Variants in XPO1 observed in about 807,000 individuals in gnomAD.
XPO1 encodes exportin-1.
XPO1 carries 5 observed loss-of-function variants against 133.3 expected under a neutral mutation model. That is an observed-to-expected ratio of 0.04 (90% CI 0.02 to 0.08). XPO1 has a LOEUF of 0.08. Among genes scored for constraint, XPO1 ranks in the 10% least tolerant of loss-of-function variants. The pLI is 1.00. For missense variants in XPO1, 506 were observed against 1,267.5 expected, an observed-to-expected ratio of 0.40 and a Z score of 9.12; for synonymous variants, 419 against 408.2, an observed-to-expected ratio of 1.03 and a Z score of -0.32.
Position 61,488,718 on chromosome 2 carries a change from C to T in XPO1, c.2076G>A (p.Leu692=), listed in dbSNP as rs960840696. 5.6e-6 allele frequency: 9 copies of T among 1,614,042 alleles called. No homozygotes were observed. The highest frequency in any genetic ancestry group is 1.3e-5 in the African/African-American group (1 of 74,914). The change falls in exon 18 of 25, where the codon TTG becomes TTA. Residue 692 remains leucine, a synonymous_variant. Coordinates refer to ENST00000401558, the MANE Select transcript of XPO1 (RefSeq NM_003400.4). ...CTTTGCAGGCTCTCACATTTGTTTT[C>T]AAAATGCTACCAAGCTGCTTGACTG... is the stretch of plus-strand genomic sequence containing the variant. The part of the protein sequence containing the change: ...PETVKQLGSI[L]KTNVRACKAV...
intron 2 of XPO1, among the ~76,000 whole-genome samples, chr2:61,530,358 T>C (rs772024722): frequency 2.0e-4 from 30 of 152,164 alleles, no homozygotes; most frequent in Non-Finnish European, 4.0e-4. Context: ...CATAATGTTC[T>C]TTATAAACTT....
rs143428000 is a variant in XPO1 at position 61,527,979 on chromosome 2, T to A, written c.127-1458A>T. Reference sequence around the variant, plus strand: ...TCTTGCTCTGTCACCCAGGCTGGAGTGCAATGGCAGGATCTCGACTCACTG... The same window carrying A: ...TCTTGCTCTGTCACCCAGGCTGGAGAGCAATGGCAGGATCTCGACTCACTG... On this transcript the variant is annotated intron_variant, in intron 2 of 24. Coordinates refer to ENST00000401558, the MANE Select transcript of XPO1 (RefSeq NM_003400.4). Among the ~76,000 whole-genome samples the A allele has an allele frequency of 8.1e-3, 1,221 of 151,236 alleles. 21 individuals carry two copies. The highest frequency in any genetic ancestry group is 0.028 in the African/African-American group (1,168 of 41,196).
chr2:61,526,514 A>G lies in XPO1; in HGVS notation c.134T>C (p.Met45Thr). 6.4e-7 allele frequency: 1 copy of G among 1,565,070 alleles called. No individual in the cohort carries two copies. Among genetic ancestry groups the G allele is most frequent in the East Asian group, 2.3e-5 (1 of 43,726 alleles). ...TAAATGTGTCAGTACTTCTTGAGCC[A>G]TTCTTTGCTAAAATATTATTAAAAA... is the stretch of plus-strand genomic sequence containing the variant. ...LYHGEGAQQR[M>T]AQEVLTHLKE... The change falls in exon 3 of 25, where the codon ATG (methionine) becomes ACG (threonine). Residue 45 changes from methionine to threonine, a missense_variant. Met to Thr is a moderately conservative substitution (Grantham distance 81, BLOSUM62 -1). Transcript: ENST00000401558.
chr2:61,511,989 C>T (rs1313440350), intron 4 of XPO1, among the ~76,000 whole-genome samples: 3 of 152,024 alleles, frequency 2.0e-5, no homozygotes, highest in South Asian at 2.1e-4. Flanking sequence ...AGACTGGTCT[C>T]GAACTCCTGA....
chr2:61,502,746 TA>T (rs11365993), intron 4 of XPO1: 90,878 of 150,574 alleles, frequency 0.6, 27,316 homozygotes, highest in Middle Eastern at 0.69. Flanking sequence ...GAGCAAGACT[TA>T]AAAAAAAAAA....
At position 61,492,645 on chromosome 2, in the gene XPO1, T is replaced by G. The variant is rs760273768; in HGVS notation, c.1488A>C (p.Thr496=). 1 of 1,613,950 alleles carries G rather than the reference T, an allele frequency of 6.2e-7. No individual in the cohort carries two copies. The highest frequency in any genetic ancestry group is 8.5e-7 in the Non-Finnish European group (1 of 1,179,962). ...GTEWSWKNLN[T]LCWAIGSISG... is the part of the protein sequence containing the mutation. Reference sequence around the variant, plus strand: ...TAATGGAGCCTATTGCCCAACACAATGTATTCAAATTTTTCCATGACCACT... The same window carrying G: ...TAATGGAGCCTATTGCCCAACACAAGGTATTCAAATTTTTCCATGACCACT... Residue 496 remains threonine, a synonymous_variant, in exon 14 of 25, where the codon ACA becomes ACC. Transcript: ENST00000401558. The surrounding 1 kb of genome is among the most constrained non-coding windows in gnomAD (Gnocchi z 5.6).
At chr2:61,524,490 G>A (rs777537231) in intron 3 of XPO1, among the ~76,000 whole-genome samples, 1 of 152,180 alleles carries the variant, frequency 6.6e-6, no homozygotes, top group Non-Finnish European at 1.5e-5. Flanking sequence ...GGGGGTTGAA[G>A]CAGGGAGCCC....
At chr2:61,521,813 T>C (rs1415414487) in intron 4 of XPO1, among the ~76,000 whole-genome samples, 1 of 152,070 alleles carries the variant, frequency 6.6e-6, no homozygotes, top group African/African-American at 2.4e-5. Flanking sequence ...TAGAGTACAG[T>C]GGCACAATGA....
In XPO1 at chr2:61,492,800, A is replaced by G. The variant is rs1224171930; in HGVS notation, c.1385-52T>C. The G allele has an allele frequency of 1.9e-6, 3 of 1,580,830 alleles. No individual in the cohort carries two copies. Among genetic ancestry groups the G allele is most frequent in the Admixed American group, 1.8e-5 (1 of 55,466 alleles). On this transcript the variant is annotated intron_variant, in intron 13 of 24. Coordinates refer to ENST00000401558, the MANE Select transcript of XPO1 (RefSeq NM_003400.4). This position sits in a 1 kb window ranked among gnomAD's most constrained non-coding sequence, Gnocchi z 5.6. ...GCAAATAATGAGCAGAATTTTATTG[A>G]TGAGTAACAATACATTTAGAAAATA... is the stretch of plus-strand genomic sequence containing the variant.
At chr2:61,500,752 C>A (rs536013885) in intron 6 of XPO1, among the ~76,000 whole-genome samples, 1 of 152,014 alleles carries the variant, frequency 6.6e-6, no homozygotes, top group Admixed American at 6.6e-5. Context: ...TGAACTAAGA[C>A]GGTGCCACTG....
intron 1 of XPO1, 46 bp downstream of exon 1, chr2:61,537,515 GC>G (rs1699406411): frequency 1.3e-5 from 2 of 148,514 alleles, no homozygotes; most frequent in African/African-American, 4.9e-5. Context: ...CGCCCGCCCG[GC>G]CGCGCCGCCG....
At chr2:61,483,134 C>T in intron 21 of XPO1, 43 bp from the exon 22 acceptor site, 1 of 1,584,334 alleles carries the variant, frequency 6.3e-7, no homozygotes, top group South Asian at 1.1e-5. Context: ...TACAGACTGA[C>T]AGCACTCATG....
At chr2:61,485,606 G>GT (rs1696654755) in intron 20 of XPO1, 162 bp downstream of exon 20, 1 of 680,140 alleles carries the variant, frequency 1.5e-6, no homozygotes, top group Non-Finnish European at 2.3e-6. Flanking sequence ...CTCCTGGGAA[G>GT]TAAGTTCTTG....
At chr2:61,481,482 C>G (rs1696353879) in intron 23 of XPO1, among the ~76,000 whole-genome samples, 1 of 151,392 alleles carries the variant, frequency 6.6e-6, no homozygotes, top group Non-Finnish European at 1.5e-5. Flanking sequence ...ATTTTTGAGA[C>G]AAAGTTTTGC....
At position 61,506,598 on chromosome 2, in the gene XPO1, C is replaced by CA. The variant is rs71405128; in HGVS notation, c.302-4289dup. Among the ~76,000 whole-genome samples, 201 of 81,378 alleles carry CA rather than the reference C, an allele frequency of 2.5e-3. 17 individuals are homozygous for CA. Among genetic ancestry groups the CA allele is most frequent in the South Asian group, 0.015 (33 of 2,186 alleles). The allele number at this position is 81,378 out of a possible 152,430, so 53.4% of individuals were successfully genotyped here. ...TGGGCGACAGAGCAAGATTCCGTCTCAAAAAAAAAAAAAAAAATCCAATGT... is the reference window on the plus strand; with the variant it reads ...TGGGCGACAGAGCAAGATTCCGTCTCAAAAAAAAAAAAAAAAAATCCAATGT... On this transcript the variant is annotated intron_variant, in intron 4 of 24. Transcript: ENST00000401558.
intron 4 of XPO1, among the ~76,000 whole-genome samples, chr2:61,502,953 T>C (rs980967530): frequency 1.7e-5 from 2 of 121,060 alleles, no homozygotes; most frequent in African/African-American, 3.4e-5. Context: ...TTTGGTTCCA[T>C]GTGTTTCTTT....
At chr2:61,501,721 CAAAAA>C (rs34659499) in intron 6 of XPO1, among the ~76,000 whole-genome samples, 1 of 111,436 alleles carries the variant, frequency 9.0e-6, no homozygotes, top group Non-Finnish European at 1.8e-5. Context: ...AGACTGTCTC[CAAAAA>C]AAAAAAAAAA....
At chr2:61,522,831 T>C in intron 3 of XPO1, 148 bp from the exon 4 acceptor site, 1 of 639,678 alleles carries the variant, frequency 1.6e-6, no homozygotes, top group African/African-American at 1.8e-5. Flanking sequence ...ATTAAACAAG[T>C]ATCTATTCAC....
intron 24 of XPO1, among the ~76,000 whole-genome samples, chr2:61,479,600 C>T (rs552454701): frequency 3.9e-5 from 6 of 152,182 alleles, no homozygotes; most frequent in African/African-American, 1.4e-4. Context: ...AAATTTTGTT[C>T]TCTTTGTGAT....
Sources: allele counts gnomAD v4.1 joint callset (sites outside exome capture counted in the v4.1 genomes callset), GRCh38; gene constraint gnomAD v4.1.1; non-coding constraint Gnocchi (gnomAD v3.1); transcripts MANE v1.5; gene names NCBI Gene and HGNC (gene_info 2026-07-23, HGNC 2026-07-21).